Variants in XKR4 observed in about 807,000 individuals in gnomAD.
The protein encoded by XKR4 is XK related 4, also known as XK-related protein 4.
XKR4 carries 12 observed loss-of-function variants against 53.9 expected under a neutral mutation model. The ratio of observed to expected loss-of-function variants is 0.22; its 90% CI spans 0.14 to 0.36. The LOEUF (loss-of-function observed/expected upper bound fraction) is 0.36, where lower values mean the gene tolerates loss of function less well. Ranked by LOEUF, XKR4 falls within the 10% of genes least tolerant of loss-of-function variation. The pLI, the probability that XKR4 is intolerant of heterozygous loss-of-function variation, is 1.00. For synonymous variants in XKR4, 354 were observed against 362.4 expected, an observed-to-expected ratio of 0.98 and a Z score of 0.26; for missense variants, 799 against 859.5, an observed-to-expected ratio of 0.93 and a Z score of 0.88.
At chr8:55,352,357 G>A (rs1803736216) in intron 1 of XKR4, among the ~76,000 whole-genome samples, 1 of 152,196 alleles carries the variant, frequency 6.6e-6, no homozygotes, top group Admixed American at 6.5e-5. Flanking sequence ...AATGAGTGTG[G>A]GAACATAGAA....
At chr8:55,141,878 G>A (rs551724039) in intron 1 of XKR4, among the ~76,000 whole-genome samples, 3 of 152,164 alleles carry the variant, frequency 2.0e-5, no homozygotes, top group African/African-American at 7.2e-5. Context: ...AGGGGTGGGG[G>A]GTCCCGTGCT....
Position 55,527,550 on chromosome 8 carries a change from G to A in XKR4, c.*3323G>A, listed in dbSNP as rs1398224415. The A allele has an allele frequency of 6.6e-6, 1 of 152,200 alleles. No homozygotes were observed. The highest frequency in any genetic ancestry group is 1.5e-5 in the Non-Finnish European group (1 of 68,028). The allele number at this position is 152,200 out of a possible 1,614,324, so 9.4% of individuals were successfully genotyped here. On this transcript the variant is annotated 3_prime_UTR_variant, in exon 3 of 3. Coordinates refer to ENST00000327381, the MANE Select transcript of XKR4 (RefSeq NM_052898.2). ...CCATAGTGACACTTTAAGTGTTTGT[G>A]TGAAAGAAAAGGAAATAATTTTTCC...
intron 2 of XKR4, among the ~76,000 whole-genome samples, chr8:55,391,759 G>T (rs187614025): frequency 6.6e-6 from 1 of 151,984 alleles, no homozygotes; most frequent in African/African-American, 2.4e-5. Context: ...ATTAAAATAA[G>T]CATATGAATT....
intron 2 of XKR4, chr8:55,453,832 C>A: frequency 2.0e-6 from 1 of 497,942 alleles, no homozygotes; most frequent in Non-Finnish European, 3.9e-6. Flanking sequence ...ACCTCTGTGC[C>A]ACATCGTGGG....
chr8:55,193,327 T>G (rs1266128235), intron 1 of XKR4, among the ~76,000 whole-genome samples: 1 of 152,142 alleles, frequency 6.6e-6, no homozygotes, highest in African/African-American at 2.4e-5. Flanking sequence ...GTTTTTCGCT[T>G]GCTCCAGTCC....
At chr8:55,277,764 A>T (rs1329884155) in intron 1 of XKR4, among the ~76,000 whole-genome samples, 2 of 152,220 alleles carry the variant, frequency 1.3e-5, no homozygotes, top group Non-Finnish European at 2.9e-5. Context: ...GTGGAATAAG[A>T]CTACAGAGGG....
At chr8:55,235,434 G>A (rs911521841) in intron 1 of XKR4, among the ~76,000 whole-genome samples, 10 of 152,176 alleles carry the variant, frequency 6.6e-5, no homozygotes, top group Non-Finnish European at 1.0e-4. Context: ...TATCTGCCTC[G>A]TAGGTTGTTG....
intron 1 of XKR4, among the ~76,000 whole-genome samples, chr8:55,232,392 T>C (rs1235636533): frequency 6.6e-6 from 1 of 152,214 alleles, no homozygotes; most frequent in African/African-American, 2.4e-5. Context: ...GAAATTGTGA[T>C]TCTCTCAGTG....
intron 1 of XKR4, among the ~76,000 whole-genome samples, chr8:55,250,202 G>T (rs968433010): frequency 1.1e-4 from 17 of 152,194 alleles, no homozygotes; most frequent in African/African-American, 3.6e-4. Context: ...TTCCGAGACA[G>T]CTAAAGGATA....
At chr8:55,246,684 G>A (rs1818289423) in intron 1 of XKR4, among the ~76,000 whole-genome samples, 1 of 151,498 alleles carries the variant, frequency 6.6e-6, no homozygotes, top group Non-Finnish European at 1.5e-5. Context: ...AAGGTTTTGG[G>A]GTCTCAAAAA....
intron 2 of XKR4, among the ~76,000 whole-genome samples, chr8:55,364,635 G>GTTT (rs367829570): frequency 1.2e-3 from 186 of 151,722 alleles, no homozygotes; most frequent in African/African-American, 4.4e-3. Context: ...TTTTGTTGGG[G>GTTT]TTTTTTTTGT....
chr8:55,194,855 C>T (rs1409971996), intron 1 of XKR4, among the ~76,000 whole-genome samples: 1 of 152,174 alleles, frequency 6.6e-6, no homozygotes, highest in Non-Finnish European at 1.5e-5. Flanking sequence ...AATCCTTTTA[C>T]AAGCTAGCTG....
intron 1 of XKR4, among the ~76,000 whole-genome samples, chr8:55,240,183 A>G (rs1272887885): frequency 1.3e-5 from 2 of 152,216 alleles, no homozygotes; most frequent in Non-Finnish European, 2.9e-5. Context: ...CTTTTCTAAC[A>G]ATGAATTCTC....
chr8:55,465,654 A>G (rs1262973537), intron 2 of XKR4, among the ~76,000 whole-genome samples: 5 of 151,976 alleles, frequency 3.3e-5, no homozygotes, highest in Admixed American at 3.3e-4. Flanking sequence ...ATTAAACTAA[A>G]GAGCTTCTGC....
intron 2 of XKR4, among the ~76,000 whole-genome samples, chr8:55,360,422 G>C (rs1803884680): frequency 1.3e-5 from 2 of 152,188 alleles, no homozygotes; most frequent in African/African-American, 4.8e-5. Flanking sequence ...GAACAGAGCT[G>C]TTCCCCTTTA....
intron 2 of XKR4, among the ~76,000 whole-genome samples, chr8:55,461,906 T>C (rs933084248): frequency 1.3e-5 from 2 of 151,970 alleles, no homozygotes; most frequent in African/African-American, 2.4e-5. Context: ...ATATGAAGCA[T>C]GAAGAGAAGT....
intron 2 of XKR4, among the ~76,000 whole-genome samples, chr8:55,436,495 CAT>C (rs1370463179): frequency 3.3e-5 from 5 of 152,320 alleles, no homozygotes; most frequent in South Asian, 2.1e-4. Context: ...AAATTCCTAA[CAT>C]GTGTTCAGGT....
chr8:55,460,139 C>A (rs540327542), intron 2 of XKR4, among the ~76,000 whole-genome samples: 1 of 151,860 alleles, frequency 6.6e-6, no homozygotes. Flanking sequence ...TAAAATGAAC[C>A]TCAAAAATCT....
Position 55,385,783 on chromosome 8 carries a change from T to A in XKR4, c.1006+27906T>A, listed in dbSNP as rs981472957. ...ACATTAGAAATACATTGCACTCATA[T>A]GCAAATATTTTGCTTAACCTGTTAG... is the stretch of plus-strand genomic sequence containing the variant. On this transcript the variant is annotated intron_variant, in intron 2 of 2. Transcript: ENST00000327381. 8.7e-4 allele frequency among the ~76,000 whole-genome samples: 132 copies of A among 152,198 alleles called. 1 individual carries two copies. The highest frequency in any genetic ancestry group is 1.6e-4 in the Non-Finnish European group (11 of 68,032).
Sources: gnomAD v4.1 joint callset for allele counts (sites outside exome capture counted in the v4.1 genomes callset) on GRCh38, gnomAD v4.1.1 for gene constraint, MANE v1.5 for transcripts, NCBI Gene and HGNC (gene_info 2026-07-23, HGNC 2026-07-21) for gene names.